The following PTPRD variants were observed in gnomAD, a reference collection of about 807,000 sequenced individuals.
PTPRD encodes the protein protein tyrosine phosphatase receptor type D, also known as receptor-type tyrosine-protein phosphatase delta.
In PTPRD, 34 loss-of-function variants were observed where a neutral mutation model predicts 214.5. The ratio of observed to expected loss-of-function variants is 0.16; its 90% CI spans 0.12 to 0.21. The LOEUF (loss-of-function observed/expected upper bound fraction) is 0.21, where lower values mean the gene tolerates loss of function less well. Among genes scored for constraint, PTPRD ranks in the 10% least tolerant of loss-of-function variants. PTPRD has a pLI of 1.00. For missense variants in PTPRD, 2,545 were observed against 2,398.7 expected (o/e 1.06, Z -1.27); for synonymous variants, 1,128 against 845.7 (o/e 1.33, Z -5.79).
chr9:9,152,913 A>G (rs914689753), intron 10 of PTPRD, among the ~76,000 whole-genome samples: 2 of 152,188 alleles, frequency 1.3e-5, no homozygotes, highest in East Asian at 1.9e-4. Context: ...TAAGAATCAA[A>G]TGTATCTTTC....
intron 2 of PTPRD, among the ~76,000 whole-genome samples, chr9:10,346,614 AGGCAT>A (rs1028715975): frequency 1.3e-5 from 2 of 152,234 alleles, no homozygotes; most frequent in African/African-American, 4.8e-5. Context: ...ATTCATGATG[AGGCAT>A]TATCTTTTTC....
chr9:10,553,369 A>C (rs2061774430), intron 2 of PTPRD, among the ~76,000 whole-genome samples: 1 of 151,186 alleles, frequency 6.6e-6, no homozygotes, highest in Non-Finnish European at 1.5e-5. Flanking sequence ...TTACTTAAAG[A>C]TGTAATGGTT....
chr9:10,387,277 T>A (rs936922527), intron 2 of PTPRD, among the ~76,000 whole-genome samples: 1 of 151,746 alleles, frequency 6.6e-6, no homozygotes. Flanking sequence ...TCTCCAATAA[T>A]GCCTGTGTCT....
At chr9:8,962,547 A>C (rs1012658628) in intron 11 of PTPRD, among the ~76,000 whole-genome samples, 2 of 151,700 alleles carry the variant, frequency 1.3e-5, no homozygotes, top group Non-Finnish European at 2.9e-5. Context: ...AAAGAGAGAG[A>C]GAGAGAGAGC....
intron 10 of PTPRD, among the ~76,000 whole-genome samples, chr9:9,168,226 C>A (rs2130845966): frequency 1.3e-5 from 2 of 152,284 alleles, no homozygotes; most frequent in Middle Eastern, 3.4e-3. Flanking sequence ...TGGCCCTTTA[C>A]AGTAAAAGGT....
At chr9:8,398,180 A>G (rs2091640273) in intron 36 of PTPRD, among the ~76,000 whole-genome samples, 1 of 152,150 alleles carries the variant, frequency 6.6e-6, no homozygotes, top group Non-Finnish European at 1.5e-5. Context: ...ACAATTCCCA[A>G]TATTTATTAT....
At chr9:9,322,071 G>C (rs1204564923) in intron 9 of PTPRD, among the ~76,000 whole-genome samples, 1 of 152,126 alleles carries the variant, frequency 6.6e-6, no homozygotes, top group Non-Finnish European at 1.5e-5. Flanking sequence ...GAATAGTTAA[G>C]CAGTTATTTT....
At chr9:8,500,273 ATCTTC>A (rs1486681737) in intron 24 of PTPRD, among the ~76,000 whole-genome samples, 9 of 151,960 alleles carry the variant, frequency 5.9e-5, no homozygotes, top group African/African-American at 1.4e-4. Context: ...TATATGTATT[ATCTTC>A]TCTTTTTTTC....
rs7874817 is a variant in PTPRD, at chr9:8,606,001, T to C, written c.352+27316A>G. 8.7e-3 allele frequency among the ~76,000 whole-genome samples: 1,318 copies of C among 152,248 alleles called. 23 individuals are homozygous for C. Among genetic ancestry groups the C allele is most frequent in the African/African-American group, 0.03 (1,260 of 41,526 alleles). On this transcript the variant is annotated intron_variant, in intron 14 of 45. Coordinates refer to ENST00000381196, the MANE Select transcript of PTPRD (RefSeq NM_002839.4). ...TCGAGGGGTGGGGATGTACATCGTA[T>C]ACTATATCATCCTAAAGAACCTAAA...
At chr9:9,777,084 CA>C (rs1471964048) in intron 5 of PTPRD, among the ~76,000 whole-genome samples, 1 of 152,154 alleles carries the variant, frequency 6.6e-6, no homozygotes, top group Non-Finnish European at 1.5e-5. Flanking sequence ...CATTTTGAAA[CA>C]GATATGCTAG....
rs537038474 is a variant in PTPRD, at chr9:10,017,919, C to T, written c.-472+15799G>A. 6.6e-5 allele frequency among the ~76,000 whole-genome samples: 10 copies of T among 152,234 alleles called. No homozygotes were observed. The South Asian group carries it at 2.1e-3, about 32-fold the overall frequency. ...GAATACCCTCACTTAAAACAACACT[C>T]AAATGAAGTCCCAGAACAGCAGGGG... On this transcript the variant is annotated intron_variant, in intron 4 of 45. Coordinates refer to ENST00000381196, the MANE Select transcript of PTPRD (RefSeq NM_002839.4).
chr9:10,297,119 AT>A (rs2095699987), intron 3 of PTPRD, among the ~76,000 whole-genome samples: 1 of 147,124 alleles, frequency 6.8e-6, no homozygotes, highest in Non-Finnish European at 1.5e-5. Context: ...ATATATATAT[AT>A]AAAATATATA....
chr9:9,969,358 T>C (rs568981122), intron 4 of PTPRD, among the ~76,000 whole-genome samples: 1 of 152,228 alleles, frequency 6.6e-6, no homozygotes, highest in African/African-American at 2.4e-5. Flanking sequence ...CTCAACTTCC[T>C]CTTCTTCCTA....
intron 9 of PTPRD, among the ~76,000 whole-genome samples, chr9:9,312,481 A>G (rs1959381462): frequency 6.6e-6 from 1 of 152,156 alleles, no homozygotes; most frequent in African/African-American, 2.4e-5. Context: ...GCATGGGGCT[A>G]CTGTCTGTGT....
chr9:8,861,064 A>G (rs1361613175), intron 11 of PTPRD: 1 of 152,238 alleles, frequency 6.6e-6, no homozygotes, highest in Non-Finnish European at 1.5e-5. Context: ...TAAATAGCAC[A>G]CAGGAGCTTT....
chr9:9,325,517 G>A (rs1233876262), intron 9 of PTPRD, among the ~76,000 whole-genome samples: 2 of 152,114 alleles, frequency 1.3e-5, no homozygotes, highest in Admixed American at 1.3e-4. Flanking sequence ...GTATAGGAAT[G>A]CTTGTTATTT....
At chr9:8,853,191 C>A (rs947887990) in intron 11 of PTPRD, among the ~76,000 whole-genome samples, 1 of 152,128 alleles carries the variant, frequency 6.6e-6, no homozygotes, top group Non-Finnish European at 1.5e-5. Context: ...AGTCTAGCAC[C>A]ATTGTGATGG....
chr9:9,431,316 C>T (rs1202689934), intron 8 of PTPRD, among the ~76,000 whole-genome samples: 1 of 152,192 alleles, frequency 6.6e-6, no homozygotes, highest in Non-Finnish European at 1.5e-5. Flanking sequence ...CTCATCATCA[C>T]TGGCCATCAG....
Position 9,508,196 on chromosome 9 carries a change from T to C in PTPRD, c.-237+66536A>G, listed in dbSNP as rs1041708961. Among the ~76,000 whole-genome samples, 11 of 151,602 alleles carry C rather than the reference T, an allele frequency of 7.3e-5. 1 individual carries two copies. Among genetic ancestry groups the C allele is most frequent in the South Asian group, 4.1e-4 (2 of 4,822 alleles). On this transcript the variant is annotated intron_variant, in intron 8 of 45. Coordinates refer to ENST00000381196, the MANE Select transcript of PTPRD (RefSeq NM_002839.4). ...TATTTCCAAACTTATAAATGGGATGTTTTTGTAAAGATAATTTTTAAATTT... is the reference window on the plus strand; with the variant it reads ...TATTTCCAAACTTATAAATGGGATGCTTTTGTAAAGATAATTTTTAAATTT...
Sources: gnomAD v4.1 joint callset for allele counts (sites outside exome capture counted in the v4.1 genomes callset) on GRCh38, gnomAD v4.1.1 for gene constraint, MANE v1.5 for transcripts, NCBI Gene and HGNC (gene_info 2026-07-23, HGNC 2026-07-21) for gene names.